The following SYNE1 variants were observed in gnomAD, a reference collection of about 807,000 sequenced individuals.
SYNE1 encodes nesprin-1.
A neutral mutation model predicts 1,111.0 loss-of-function variants in SYNE1; 616 were observed. That is an observed-to-expected ratio of 0.55 (90% confidence interval 0.52 to 0.59). SYNE1 has a LOEUF of 0.59. Among genes scored for constraint, SYNE1 ranks in the 20% least tolerant of loss-of-function variants. The pLI, the probability that SYNE1 is intolerant of heterozygous loss-of-function variation, is 0.00. For missense variants in SYNE1, 10,006 were observed against 10,417.0 expected, an observed-to-expected ratio of 0.96 and a Z score of 1.72; for synonymous variants, 3,855 against 3,825.8, an observed-to-expected ratio of 1.01 and a Z score of -0.28.
In SYNE1 at chr6:152,125,340, C is replaced by T. The variant is rs940659992; in HGVS notation, c.26154-2664G>A. ...AATATTTGGAAACAAGTGGTTTCCT[C>T]GTGTCTAAAGCCTCTGGTCATAAGG... On this transcript the variant is annotated intron_variant, in intron 145 of 145. Coordinates refer to ENST00000367255, the MANE Select transcript of SYNE1 (RefSeq NM_182961.4). The T allele has an allele frequency of 5.2e-6, 8 of 1,550,092 alleles. No individual in the cohort carries two copies. In the African/African-American group the frequency reaches 5.5e-5, roughly 11 times the overall value.
Position 152,164,254 on chromosome 6 carries a change from C to T in SYNE1, c.23699G>A (p.Trp7900Ter), listed in dbSNP as rs777531505. ...LDKNMSSLRT[W>*]LAHIESELAK... ...CAGCTCTGACTCGATGTGAGCGAGC[C>T]AGGTCCTCAGGCTGCTCATGTTCTT... The change falls in exon 131 of 146, where the codon TGG becomes TAG. Residue 7900 changes from tryptophan to a stop codon, truncating the protein, a stop_gained. Coordinates refer to ENST00000367255, the MANE Select transcript of SYNE1 (RefSeq NM_182961.4). LOFTEE classifies it high-confidence loss of function. The T allele has an allele frequency of 1.2e-6, 2 of 1,614,162 alleles. No individual in the cohort carries two copies. Among genetic ancestry groups the T allele is most frequent in the Non-Finnish European group, 8.5e-7 (1 of 1,180,044 alleles).
chr6:152,422,716 C>T (rs1268279064), intron 39 of SYNE1, among the ~76,000 whole-genome samples: 1 of 152,126 alleles, frequency 6.6e-6, no homozygotes, highest in Non-Finnish European at 1.5e-5. Context: ...GCTATGTTGC[C>T]CAGGCTGGTT....
chr6:152,391,238 A>G (rs1392374760), intron 52 of SYNE1, 39 bp downstream of exon 52: 2 of 1,612,574 alleles, frequency 1.2e-6, no homozygotes, highest in Non-Finnish European at 1.7e-6. Context: ...TCAAATTAGC[A>G]TTCAGCAGTT....
chr6:152,276,648 A>T (rs2153702902), intron 98 of SYNE1, among the ~76,000 whole-genome samples: 1 of 152,218 alleles, frequency 6.6e-6, no homozygotes, highest in African/African-American at 2.4e-5. Flanking sequence ...TCCAACATAG[A>T]TGCTTTCCCT....
At chr6:152,165,452 A>G (rs1348939146) in intron 130 of SYNE1, among the ~76,000 whole-genome samples, 3 of 152,206 alleles carry the variant, frequency 2.0e-5, no homozygotes, top group African/African-American at 7.2e-5. Flanking sequence ...CACTATGGTC[A>G]GCTGTTAATA....
chr6:152,182,610 A>G (rs889637579), intron 128 of SYNE1, among the ~76,000 whole-genome samples: 2 of 152,214 alleles, frequency 1.3e-5, no homozygotes, highest in Admixed American at 6.5e-5. Context: ...AAATGAAAAT[A>G]TTTCTAAGGT....
At chr6:152,371,920 A>AAGGAAAGGAC in intron 59 of SYNE1, among the ~76,000 whole-genome samples, 1 of 49,030 alleles carries the variant, frequency 2.0e-5, no homozygotes, top group South Asian at 6.2e-4. Flanking sequence ...AAGGAAAGGA[A>AAGGAAAGGAC]AGGACAGGAC....
intron 81 of SYNE1, 65 bp from the exon 82 acceptor site, chr6:152,323,802 C>A: frequency 6.4e-7 from 1 of 1,565,814 alleles, no homozygotes; most frequent in African/African-American, 1.4e-5. Flanking sequence ...AGGGTAACTC[C>A]CATAAAAGCC....
chr6:152,123,046 C>CATA (rs1256283073), intron 145 of SYNE1, among the ~76,000 whole-genome samples: 1 of 152,214 alleles, frequency 6.6e-6, no homozygotes, highest in African/African-American at 2.4e-5. Flanking sequence ...TTTGATGCAG[C>CATA]ATATTTTTGT....
intron 85 of SYNE1, 150 bp downstream of exon 85, chr6:152,318,713 C>T: frequency 1.3e-6 from 1 of 767,756 alleles, no homozygotes; most frequent in Non-Finnish European, 2.1e-6. Context: ...ATCTGTGTTG[C>T]TTCAGTTACA....
chr6:152,147,269 G>A (rs1347594231), intron 137 of SYNE1: 1 of 152,264 alleles, frequency 6.6e-6, no homozygotes, highest in Admixed American at 6.5e-5. Flanking sequence ...CCCTACTTCT[G>A]TCTGAGGTTG....
rs757104626 is a variant in SYNE1 at position 152,233,894 on chromosome 6, G to C, written c.20599C>G (p.Leu6867Val). 5.0e-6 allele frequency: 8 copies of C among 1,614,012 alleles called. No individual in the cohort carries two copies. In the South Asian group the frequency reaches 8.8e-5, roughly 18 times the overall value. The change falls in exon 112 of 146, where the codon CTT becomes GTT. Residue 6867 changes from leucine (L) to valine (V), a missense_variant. Leu to Val is a conservative substitution (Grantham distance 32, BLOSUM62 1). Around this residue, in one of 7 missense-constraint regions of SYNE1, gnomAD observed 2,182 missense variants for 2,287.8 expected, o/e 0.95. Coordinates refer to ENST00000367255, the MANE Select transcript of SYNE1 (RefSeq NM_182961.4). ...GCTGTGTCCACCTTTTTTAGTCGAAGGAGCTGATTTCCAGTACTCAGAACA... is the reference window on the plus strand; with the variant it reads ...GCTGTGTCCACCTTTTTTAGTCGAACGAGCTGATTTCCAGTACTCAGAACA... ...SSVLSTGNQL[L>V]RLKKVDTATL...
chr6:152,500,844 G>A (rs1272702536), intron 10 of SYNE1, among the ~76,000 whole-genome samples: 4 of 151,800 alleles, frequency 2.6e-5, no homozygotes, highest in African/African-American at 9.7e-5. Flanking sequence ...CCAGCTACTT[G>A]GGAGGCTGAG....
rs1205793966 is a variant in SYNE1, at chr6:152,369,544, T to C, written c.9578A>G (p.Glu3193Gly). ...EPIQDWLSKT[E>G]KMVHESSNRL... ...ATTGCTGCTTTCATGGACCATCTTC[T>C]CAGTTTTACTCAGCCAGTCCTGGAT... The change falls in exon 60 of 146, where the codon GAG becomes GGG. Residue 3193 changes from glutamate to glycine, a missense_variant. Around this residue, in one of 7 missense-constraint regions of SYNE1, gnomAD observed 4,955 missense variants for 5,017.2 expected, o/e 0.99. Transcript: ENST00000367255. 14 of 1,614,188 alleles carry C rather than the reference T, an allele frequency of 8.7e-6. No individual in the cohort carries two copies. Among genetic ancestry groups the C allele is most frequent in the Non-Finnish European group, 1.2e-5 (14 of 1,180,030 alleles).
rs776595846 is a variant in SYNE1, at chr6:152,139,937, AAGGGGCAGCTACCTTG to A, written c.25455_25458+12del. On this transcript the variant is annotated splice_donor_variant and splice_donor_5th_base_variant and coding_sequence_variant and intron_variant, in exon 140 of 146. Coordinates refer to ENST00000367255, the MANE Select transcript of SYNE1 (RefSeq NM_182961.4). LOFTEE classifies it high-confidence loss of function. ...TCTGTTTGTCCGCCGTGGGAAAGGCAAGGGGCAGCTACCTTGAGCTTTTTGATCTGGAGCTCGATGG... is the reference window on the plus strand; with the variant it reads ...TCTGTTTGTCCGCCGTGGGAAAGGCAAGCTTTTTGATCTGGAGCTCGATGG... The A allele has an allele frequency of 6.2e-7, 1 of 1,612,712 alleles. No homozygotes were observed. The highest frequency in any genetic ancestry group is 1.1e-5 in the South Asian group (1 of 91,006).
chr6:152,183,002 C>T (rs944192985), intron 128 of SYNE1, among the ~76,000 whole-genome samples: 1 of 151,798 alleles, frequency 6.6e-6, no homozygotes, highest in South Asian at 2.1e-4. Context: ...TGGGGTAGGG[C>T]CTACTAGAAA....
Position 152,122,582 on chromosome 6 carries a change from G to T in SYNE1, c.26248C>A (p.Pro8750Thr), listed in dbSNP as rs1333054023. 6.2e-7 allele frequency: 1 copy of T among 1,614,214 alleles called. No individual in the cohort carries two copies. Among genetic ancestry groups the T allele is most frequent in the Admixed American group, 1.7e-5 (1 of 60,028 alleles). The change falls in exon 146 of 146, where the codon CCC becomes ACC. Residue 8750 changes from proline to threonine, a missense_variant. Physicochemically the swap from Pro to Thr is conservative, Grantham distance 38. This residue lies in a region of SYNE1 where 761 missense variants were observed against 795.5 expected (regional missense o/e 0.96). Coordinates refer to ENST00000367255, the MANE Select transcript of SYNE1 (RefSeq NM_182961.4). ...AGGAGGAGCAGGAGAAGCTGAAGGG[G>T]AAGAGCTGCTCGGAGGACTCTGAAC... ...FLFRVLRAAL[P>T]LQLLLLLLIG...
Position 152,244,423 on chromosome 6 carries a change from A to G in SYNE1, c.19692+114T>C, listed in dbSNP as rs566516559. 1.4e-5 allele frequency: 22 copies of G among 1,520,306 alleles called. No homozygotes were observed. The African/African-American group carries it at 2.5e-4, about 17-fold the overall frequency. 94.2% of individuals were successfully genotyped at this position (1,520,306 alleles called of 1,614,324 possible). A position where few individuals can be genotyped will look rare whatever the true frequency, so the allele number is the denominator to read the frequency against. The stretch of plus-strand genomic sequence containing the variant: ...CTAAGAGTTGCTTGGTAGAAAGGTT[A>G]GGACCTAAGTGGCGTGAATTTTATA... On this transcript the variant is annotated intron_variant, in intron 106 of 145. Transcript: ENST00000367255.
chr6:152,387,453 G>A (rs552781921), intron 53 of SYNE1, 72 bp from the exon 54 acceptor site: 31 of 1,492,038 alleles, frequency 2.1e-5, no homozygotes, highest in Middle Eastern at 1.7e-4. Context: ...TCACAAAGTC[G>A]TGACATCCAT....
Sources: gnomAD v4.1 joint callset for allele counts (sites outside exome capture counted in the v4.1 genomes callset) on GRCh38, gnomAD v4.1.1 for gene constraint, gnomAD v4.1.1 regional missense constraint, MANE v1.5 for transcripts, NCBI Gene and HGNC (gene_info 2026-07-23, HGNC 2026-07-21) for gene names.